Variants in KCNIP4 observed in about 807,000 individuals in gnomAD.
KCNIP4 encodes the protein potassium voltage-gated channel interacting protein 4, also known as Kv channel-interacting protein 4.
A neutral mutation model predicts 34.0 loss-of-function variants in KCNIP4; 12 were observed. The observed-to-expected ratio is 0.35, with a 90% CI of 0.23 to 0.57. The LOEUF is 0.57. Ranked by LOEUF, KCNIP4 falls within the 20% of genes least tolerant of loss-of-function variation. The pLI is 0.83. For missense variants in KCNIP4, 238 were observed against 311.7 expected (o/e 0.76, Z 1.78); for synonymous variants, 124 against 102.2 (o/e 1.21, Z -1.29).
intron 1 of KCNIP4, among the ~76,000 whole-genome samples, chr4:21,064,575 T>C (rs967710227): frequency 1.3e-5 from 2 of 152,138 alleles, no homozygotes; most frequent in East Asian, 1.9e-4. Context: ...AATAGGACCA[T>C]TGGAGTATAC....
chr4:20,761,366 G>A lies in KCNIP4; in HGVS notation c.289-2476C>T, dbSNP rs116501361. Among the ~76,000 whole-genome samples the A allele has an allele frequency of 3.2e-3, 489 of 152,238 alleles. 1 individual carries two copies. Among genetic ancestry groups the A allele is most frequent in the Middle Eastern group, 0.017 (5 of 294 alleles). ...TACATAAATGAATTAACAACCAATA[G>A]CTACAACTCCAAAGGTGGTATGTAT... On this transcript the variant is annotated intron_variant, in intron 3 of 8. Coordinates refer to ENST00000382152, the MANE Select transcript of KCNIP4 (RefSeq NM_025221.6).
At chr4:21,251,962 G>A (rs1760731768) in intron 1 of KCNIP4, among the ~76,000 whole-genome samples, 1 of 151,230 alleles carries the variant, frequency 6.6e-6, no homozygotes, top group Non-Finnish European at 1.5e-5. Flanking sequence ...GTATACACAT[G>A]TAACTAACCT....
intron 1 of KCNIP4, among the ~76,000 whole-genome samples, chr4:21,330,338 A>G (rs550942622): frequency 1.3e-5 from 2 of 152,350 alleles, no homozygotes; most frequent in African/African-American, 4.8e-5. Flanking sequence ...ATAAGTTTAG[A>G]CTATCAGAAC....
intron 1 of KCNIP4, among the ~76,000 whole-genome samples, chr4:21,357,010 C>T (rs751783470): frequency 2.0e-5 from 3 of 148,946 alleles, no homozygotes; most frequent in Non-Finnish European, 2.9e-5. Flanking sequence ...AGAAATAACA[C>T]CACACATCTA....
chr4:21,666,240 G>C (rs922373118), intron 1 of KCNIP4, among the ~76,000 whole-genome samples: 3 of 152,208 alleles, frequency 2.0e-5, no homozygotes, highest in Non-Finnish European at 4.4e-5. Context: ...CTCTGATTCA[G>C]TGGGACAGCT....
At chr4:20,819,235 AGAT>A (rs755890415) in intron 3 of KCNIP4, among the ~76,000 whole-genome samples, 3 of 142,772 alleles carry the variant, frequency 2.1e-5, no homozygotes, top group Non-Finnish European at 4.8e-5. Flanking sequence ...TTTACGGATG[AGAT>A]AACAAAGTTA....
intron 1 of KCNIP4, among the ~76,000 whole-genome samples, chr4:21,096,599 C>T (rs10938830): frequency 0.16 from 24,244 of 151,968 alleles, 2,040 homozygotes; most frequent in East Asian, 0.23. Flanking sequence ...ATACAAAGCA[C>T]TAAAGTTGGT....
chr4:20,731,705 A>G, intron 8 of KCNIP4: 1 of 985,208 alleles, frequency 1.0e-6, no homozygotes, highest in Non-Finnish European at 1.2e-6. Context: ...AGCAATTCAA[A>G]TCTCATGTAT....
intron 1 of KCNIP4, among the ~76,000 whole-genome samples, chr4:21,714,512 G>A (rs1454928338): frequency 7.0e-6 from 1 of 142,656 alleles, no homozygotes; most frequent in Non-Finnish European, 1.5e-5. Flanking sequence ...AGAGAAGGAA[G>A]AAAGAGGAAA....
At chr4:21,774,719 C>T (rs879921347) in intron 1 of KCNIP4, among the ~76,000 whole-genome samples, 9 of 152,076 alleles carry the variant, frequency 5.9e-5, no homozygotes, top group Non-Finnish European at 1.3e-4. Context: ...ATATCCTTTC[C>T]TCCACTTGAT....
chr4:21,248,060 A>ATATGTGTGTG lies in KCNIP4; in HGVS notation c.62-365352_62-365351insCACACACATA, dbSNP rs1553845887. Reference sequence around the variant, plus strand: ...CACCACAGGTGGAGCATATATATATATGTGTGTGTGTGTGTGTGTTCTGCA... The same window carrying ATATGTGTGTG: ...CACCACAGGTGGAGCATATATATATATATGTGTGTGTGTGTGTGTGTGTGTGTGTTCTGCA... On this transcript the variant is annotated intron_variant, in intron 1 of 8. Coordinates refer to ENST00000382152, the MANE Select transcript of KCNIP4 (RefSeq NM_025221.6). Among the ~76,000 whole-genome samples, 117 of 145,350 alleles carry ATATGTGTGTG rather than the reference A, an allele frequency of 8.0e-4. 1 individual carries two copies. The highest frequency in any genetic ancestry group is 2.9e-3 in the African/African-American group (113 of 39,058).
chr4:21,389,225 T>A (rs1396123586), intron 1 of KCNIP4, among the ~76,000 whole-genome samples: 2 of 151,966 alleles, frequency 1.3e-5, no homozygotes, highest in Non-Finnish European at 2.9e-5. Flanking sequence ...AAGCAATCCA[T>A]CTGCCTCAGT....
chr4:21,735,174 A>G (rs1046244794), intron 1 of KCNIP4, among the ~76,000 whole-genome samples: 3 of 152,062 alleles, frequency 2.0e-5, no homozygotes, highest in Non-Finnish European at 4.4e-5. Context: ...GATAAGAGCC[A>G]TAATGGGGCA....
intron 1 of KCNIP4, among the ~76,000 whole-genome samples, chr4:21,047,731 T>C (rs571504580): frequency 2.0e-5 from 3 of 152,328 alleles, no homozygotes; most frequent in East Asian, 3.9e-4. Flanking sequence ...TTGTCACATG[T>C]TAGTCTAAAG....
chr4:21,599,904 C>T (rs148966247), intron 1 of KCNIP4, among the ~76,000 whole-genome samples: 308 of 152,064 alleles, frequency 2.0e-3, no homozygotes, highest in African/African-American at 6.9e-3. Flanking sequence ...TAAGACTTGA[C>T]GACAATAGAG....
intron 1 of KCNIP4, among the ~76,000 whole-genome samples, chr4:21,450,104 C>T (rs942064827): frequency 6.6e-6 from 1 of 151,984 alleles, no homozygotes; most frequent in Non-Finnish European, 1.5e-5. Flanking sequence ...TTATCACTAG[C>T]GGGGAAACAA....
intron 1 of KCNIP4, among the ~76,000 whole-genome samples, chr4:21,053,751 G>A (rs1309993724): frequency 2.0e-5 from 3 of 152,096 alleles, no homozygotes; most frequent in Non-Finnish European, 4.4e-5. Flanking sequence ...TAAAAGTACA[G>A]TACCATGACA....
chr4:20,743,357 T>A (rs1751635300), intron 5 of KCNIP4, among the ~76,000 whole-genome samples: 2 of 152,182 alleles, frequency 1.3e-5, no homozygotes, highest in Non-Finnish European at 2.9e-5. Flanking sequence ...TCATGCTGCC[T>A]GACTTCAAAC....
intron 1 of KCNIP4, chr4:21,843,709 A>T (rs1051285183): frequency 1.3e-5 from 2 of 152,120 alleles, no homozygotes; most frequent in African/African-American, 2.4e-5. Context: ...CAAACCTAGC[A>T]TATAAACTCA....
Sources: gnomAD v4.1 joint callset for allele counts (sites outside exome capture counted in the v4.1 genomes callset) on GRCh38, gnomAD v4.1.1 for gene constraint, MANE v1.5 for transcripts, NCBI Gene and HGNC (gene_info 2026-07-23, HGNC 2026-07-21) for gene names.